The following MAP2K2 variants were observed in gnomAD, a reference collection of about 807,000 sequenced individuals.
The protein encoded by MAP2K2 is mitogen-activated protein kinase kinase 2.
Under a neutral mutation model 43.7 loss-of-function variants are expected in MAP2K2, and 24 were observed. The observed-to-expected ratio is 0.55, with a 90% CI of 0.40 to 0.77. The LOEUF is 0.77. Among genes scored for constraint, MAP2K2 ranks in the 30% least tolerant of loss-of-function variants. MAP2K2 has a pLI of 0.00. For missense variants in MAP2K2, 470 were observed against 566.8 expected, an observed-to-expected ratio of 0.83 and a Z score of 1.73; for synonymous variants, 244 against 239.7, an observed-to-expected ratio of 1.02 and a Z score of -0.17.
rs1235131218 is a variant in MAP2K2 at position 4,124,096 on chromosome 19, G to A, written c.-221C>T. The A allele has an allele frequency of 2.3e-5, 5 of 214,274 alleles. No individual in the cohort carries two copies. The highest frequency in any genetic ancestry group is 3.8e-5 in the Non-Finnish European group (4 of 105,970). 13.3% of individuals were successfully genotyped at this position (214,274 alleles called of 1,614,324 possible). On this transcript the variant is annotated 5_prime_UTR_variant, in exon 1 of 11. Coordinates refer to ENST00000262948, the MANE Select transcript of MAP2K2 (RefSeq NM_030662.4). ...CTACCGCTGCCGAGGCCCGAAGAAG[G>A]CTGACGCCGCAGCCCGAGTCCGAGA...
At chr19:4,108,546 C>A (rs1210191974) in intron 3 of MAP2K2, among the ~76,000 whole-genome samples, 1 of 151,968 alleles carries the variant, frequency 6.6e-6, no homozygotes, top group Non-Finnish European at 1.5e-5. Context: ...CCGCCCCTGG[C>A]TAGACCACCT....
intron 3 of MAP2K2, among the ~76,000 whole-genome samples, chr19:4,107,670 G>A (rs11671735): frequency 0.25 from 37,985 of 151,812 alleles, 4,892 homozygotes; most frequent in Middle Eastern, 0.36. Context: ...TCATGCCACT[G>A]CACTCCAACC....
chr19:4,092,584 G>C (rs1171296372), intron 10 of MAP2K2, among the ~76,000 whole-genome samples: 1 of 151,614 alleles, frequency 6.6e-6, no homozygotes, highest in Non-Finnish European at 1.5e-5. Context: ...GCAAGACTCC[G>C]TCTGAGGGAA....
intron 1 of MAP2K2, among the ~76,000 whole-genome samples, chr19:4,123,576 AG>A: frequency 1.2e-4 from 4 of 32,078 alleles, no homozygotes; most frequent in Non-Finnish European, 2.5e-4. Context: ...TCCTCCCCCG[AG>A]GGCCCCCTGC....
At chr19:4,104,744 C>CG (rs1469909842) in intron 3 of MAP2K2, 1 of 152,252 alleles carries the variant, frequency 6.6e-6, no homozygotes, top group Non-Finnish European at 1.5e-5. Flanking sequence ...GAGATGAGGG[C>CG]GGGCGGAGCG....
At chr19:4,103,187 C>T (rs780214550) in intron 3 of MAP2K2, 38 of 989,354 alleles carry the variant, frequency 3.8e-5, no homozygotes, top group Non-Finnish European at 4.6e-5. Context: ...GTCTCCTCGC[C>T]ACTGTGCCGG....
intron 6 of MAP2K2, 122 bp from the exon 7 acceptor site, chr19:4,099,536 G>A (rs2040971289): frequency 1.3e-6 from 1 of 798,436 alleles, no homozygotes. Flanking sequence ...GCAATGGATA[G>A]AGAGCTGTTA....
intron 10 of MAP2K2, among the ~76,000 whole-genome samples, chr19:4,094,232 G>A (rs1330396517): frequency 6.6e-6 from 1 of 152,152 alleles, no homozygotes; most frequent in Non-Finnish European, 1.5e-5. Flanking sequence ...CTGTTCCCAC[G>A]CACACACCCT....
At chr19:4,120,897 C>T (rs1045626702) in intron 1 of MAP2K2, among the ~76,000 whole-genome samples, 1 of 145,364 alleles carries the variant, frequency 6.9e-6, no homozygotes, top group East Asian at 1.9e-4. Context: ...TGGCTGTGCC[C>T]GTGTTGACTT....
At chr19:4,110,851 C>A (rs913507871) in intron 2 of MAP2K2, among the ~76,000 whole-genome samples, 196 bp from the exon 3 acceptor site, 1 of 152,174 alleles carries the variant, frequency 6.6e-6, no homozygotes, top group East Asian at 1.9e-4. Context: ...GTGCTCACAG[C>A]AGCACGACTC....
At chr19:4,116,366 C>A (rs376430868) in intron 2 of MAP2K2, among the ~76,000 whole-genome samples, 13 of 151,834 alleles carry the variant, frequency 8.6e-5, no homozygotes, top group East Asian at 5.9e-4. Context: ...CCCATCTCTA[C>A]TAAAAAAACA....
chr19:4,113,145 T>C lies in MAP2K2; in HGVS notation c.304-2490A>G, dbSNP rs535422423. ...TCGGCTGGCCGTCGCAAGTCGTAAT[T>C]TAGGAGAGGAAGTGGCGGATGGGCT... is the stretch of plus-strand genomic sequence containing the variant. On this transcript the variant is annotated intron_variant, in intron 2 of 10. Coordinates refer to ENST00000262948, the MANE Select transcript of MAP2K2 (RefSeq NM_030662.4). 2.0e-5 allele frequency among the ~76,000 whole-genome samples: 3 copies of C among 151,954 alleles called. No individual in the cohort carries two copies. The East Asian group carries it at 5.8e-4, about 29-fold the overall frequency.
At chr19:4,095,071 A>G (rs2040897526) in intron 9 of MAP2K2, 1 of 377,510 alleles carries the variant, frequency 2.6e-6, no homozygotes, top group African/African-American at 2.0e-5. Flanking sequence ...CGGGGAGCCC[A>G]CAGTCAGCAC....
chr19:4,122,019 AC>A (rs1463828275), intron 1 of MAP2K2, among the ~76,000 whole-genome samples: 1 of 34,808 alleles, frequency 2.9e-5, no homozygotes, highest in East Asian at 8.8e-4. Flanking sequence ...CCACCTTGGC[AC>A]CCTAGGTGCC....
At position 4,123,942 on chromosome 19, in the gene MAP2K2, G is replaced by T; in HGVS notation, c.-67C>A. The T allele has an allele frequency of 1.1e-6, 1 of 922,060 alleles. No homozygotes were observed. Among genetic ancestry groups the T allele is most frequent in the Non-Finnish European group, 1.4e-6 (1 of 730,190 alleles). The allele number at this position is 922,060 out of a possible 1,614,324, so 57.1% of individuals were successfully genotyped here. On this transcript the variant is annotated 5_prime_UTR_variant, in exon 1 of 11. Transcript: ENST00000262948. ...GCCCATAGGGGGCGGGCCGGGAGCG[G>T]TCGGCGCCTACGCGAGCCCGGGGCT...
At chr19:4,114,524 C>T (rs538980554) in intron 2 of MAP2K2, among the ~76,000 whole-genome samples, 1 of 152,368 alleles carries the variant, frequency 6.6e-6, no homozygotes, top group South Asian at 2.1e-4. Context: ...AGAAGCCCCA[C>T]ACGCGTAACA....
At chr19:4,123,679 C>A in intron 1 of MAP2K2, 105 bp downstream of exon 1, 1 of 798,148 alleles carries the variant, frequency 1.3e-6, no homozygotes, top group Non-Finnish European at 1.9e-6. Flanking sequence ...CGTGACCCCC[C>A]TGCCTCGTGC....
At chr19:4,090,801 G>T in intron 10 of MAP2K2, 93 bp from the exon 11 acceptor site, 1 of 841,344 alleles carries the variant, frequency 1.2e-6, no homozygotes, top group Non-Finnish European at 2.0e-6. Context: ...GATGGTACGG[G>T]ACAGAAAGCA....
In MAP2K2 at chr19:4,090,671, A is replaced by G. The variant is rs2040846741; in HGVS notation, c.1130T>C (p.Val377Ala). Reference protein sequence around the residue: ...TFIKRSEVEEVDFAGWLCKTL... With the variant: ...TFIKRSEVEEADFAGWLCKTL... ...TTTACACAACCAGCCGGCAAAATCC[A>G]CTTCTTCCACCTCGGACCGCTTGAT... is the stretch of plus-strand genomic sequence containing the variant. The change falls in exon 11 of 11, where the codon GTG (valine) becomes GCG (alanine). Residue 377 changes from valine to alanine, a missense_variant. Physicochemically the swap from Val to Ala is moderately conservative, Grantham distance 64. This residue lies in a region of MAP2K2 where 212 missense variants were observed against 220.8 expected (regional missense o/e 0.96). Coordinates refer to ENST00000262948, the MANE Select transcript of MAP2K2 (RefSeq NM_030662.4). 2 of 1,559,854 alleles carry G rather than the reference A, an allele frequency of 1.3e-6. No homozygotes were observed. The highest frequency in any genetic ancestry group is 1.2e-5 in the South Asian group (1 of 84,782).
Sources: allele counts gnomAD v4.1 joint callset (sites outside exome capture counted in the v4.1 genomes callset), GRCh38; gene constraint gnomAD v4.1.1; regional missense constraint gnomAD v4.1.1; transcripts MANE v1.5; gene names NCBI Gene and HGNC (gene_info 2026-07-23, HGNC 2026-07-21).